SUCO: variants seen among roughly 807,000 people sequenced by gnomAD.
SUCO encodes the protein SUN domain-containing ossification factor.
In SUCO, 57 loss-of-function variants were observed where a neutral mutation model predicts 148.1. The observed-to-expected ratio is 0.38, with a 90% CI of 0.31 to 0.48. SUCO has a LOEUF of 0.48. SUCO is among the 20% of genes least tolerant of loss of function. SUCO has a pLI of 0.96. For synonymous variants in SUCO, 470 were observed against 502.7 expected, an observed-to-expected ratio of 0.93 and a Z score of 0.87; for missense variants, 1,331 against 1,468.2, an observed-to-expected ratio of 0.91 and a Z score of 1.53.
chr1:172,568,312 C>CCCCCA, intron 6 of SUCO: 1 of 920,596 alleles, frequency 1.1e-6, no homozygotes, highest in Non-Finnish European at 1.3e-6. Context: ...GCTTCCCACC[C>CCCCCA]ACCCCATCCC....
At chr1:172,588,157 C>G (rs1656368761) in intron 17 of SUCO, 1 of 984,890 alleles carries the variant, frequency 1.0e-6, no homozygotes, top group Non-Finnish European at 1.2e-6. Context: ...GTAGATAATC[C>G]TATGTGTGTA....
chr1:172,536,902 CTA>C (rs1386797032), intron 1 of SUCO, among the ~76,000 whole-genome samples: 1 of 152,148 alleles, frequency 6.6e-6, no homozygotes, highest in Admixed American at 6.5e-5. Context: ...CTTATAAGGA[CTA>C]TTGTGATTAC....
Position 172,610,128 on chromosome 1 carries a change from C to G in SUCO, c.3634C>G (p.Gln1212Glu). The change falls in exon 24 of 24, where the codon CAA becomes GAA. Residue 1212 changes from glutamine to glutamate, a missense_variant. By Grantham distance (29) the Gln-to-Glu change is conservative (BLOSUM62 2). Around this residue, in one of 3 missense-constraint regions of SUCO, gnomAD observed 334 missense variants for 352.3 expected, o/e 0.95. Coordinates refer to ENST00000263688, the MANE Select transcript of SUCO (RefSeq NM_014283.5). ...LKRRRSKVQD[Q>E]GKLIKTLIQT... is the part of the protein sequence containing the mutation. Reference sequence around the variant, plus strand: ...ACGAAGACGATCTAAAGTCCAAGACCAAGGAAAATTGATAAAAACTCTAAT... The same window carrying G: ...ACGAAGACGATCTAAAGTCCAAGACGAAGGAAAATTGATAAAAACTCTAAT... 6.2e-7 allele frequency: 1 copy of G among 1,613,614 alleles called. No homozygotes were observed. Among genetic ancestry groups the G allele is most frequent in the Non-Finnish European group, 8.5e-7 (1 of 1,179,828 alleles).
intron 3 of SUCO, among the ~76,000 whole-genome samples, chr1:172,554,544 C>T (rs1408203722): frequency 1.3e-5 from 2 of 152,220 alleles, no homozygotes; most frequent in East Asian, 3.9e-4. Flanking sequence ...CGAGACCAGC[C>T]TGGCCAACAT....
rs1479984507 is a variant in SUCO at position 172,610,042 on chromosome 1, C to T, written c.3548C>T (p.Ala1183Val). 1.2e-6 allele frequency: 2 copies of T among 1,613,916 alleles called. No homozygotes were observed. The highest frequency in any genetic ancestry group is 1.1e-5 in the South Asian group (1 of 91,074). The change falls in exon 24 of 24, where the codon GCT (alanine) becomes GTT (valine). Residue 1183 changes from alanine (A) to valine (V), a missense_variant. By Grantham distance (64) the Ala-to-Val change is moderately conservative. This residue lies in a region of SUCO where 334 missense variants were observed against 352.3 expected (regional missense o/e 0.95). Transcript: ENST00000263688. ...SEESYFCGIS[A>V]CTSLCNGQSQ... is the part of the protein sequence containing the mutation. ...GAGTCCTATTTTTGTGGCATTTCAG[C>T]TTGCACAAGTCTGTGCAATGGACAG... is the stretch of plus-strand genomic sequence containing the variant.
At position 172,533,324 on chromosome 1, in the gene SUCO, G is replaced by T; in HGVS notation, c.-112G>T. 2 of 1,551,380 alleles carry T rather than the reference G, an allele frequency of 1.3e-6. No individual in the cohort carries two copies. The highest frequency in any genetic ancestry group is 1.7e-6 in the Non-Finnish European group (2 of 1,146,988). On this transcript the variant is annotated 5_prime_UTR_variant, in exon 1 of 24. Coordinates refer to ENST00000263688, the MANE Select transcript of SUCO (RefSeq NM_014283.5). ...GCTCAGCCAGCGCCATAGCCCTTAG[G>T]ACTATCGGTCACATTCTCGCGCTCC...
At chr1:172,600,277 G>C in intron 20 of SUCO, 109 bp downstream of exon 20, 1 of 749,448 alleles carries the variant, frequency 1.3e-6, no homozygotes, top group Non-Finnish European at 2.2e-6. Flanking sequence ...AAACAAAATT[G>C]TCATTTGTAG....
chr1:172,574,835 TAC>T, intron 10 of SUCO: 3 of 974,926 alleles, frequency 3.1e-6, no homozygotes, highest in East Asian at 1.1e-4. Context: ...ACTGCATATA[TAC>T]AGTTTTTGAA....
intron 17 of SUCO, among the ~76,000 whole-genome samples, chr1:172,586,826 A>G (rs1029714214): frequency 6.6e-6 from 1 of 152,298 alleles, no homozygotes; most frequent in Admixed American, 6.5e-5. Context: ...GCATAGTGAG[A>G]AAATTATATT....
At chr1:172,532,884 G>A, upstream of SUCO, 1 of 1,484,618 alleles carries the variant, frequency 6.7e-7, no homozygotes. Context: ...CGGGACCTGG[G>A]GCGGGCGGAG....
chr1:172,551,825 T>G (rs3213552), intron 2 of SUCO, 199 bp downstream of exon 2: 104,939 of 486,796 alleles, frequency 0.22, 12,607 homozygotes, highest in South Asian at 0.26. Flanking sequence ...GTTGCTTGTA[T>G]TTGGAATTTT....
chr1:172,568,882 GTTT>G, intron 6 of SUCO, 134 bp from the exon 7 acceptor site: 1 of 849,438 alleles, frequency 1.2e-6, no homozygotes, highest in Non-Finnish European at 1.7e-6. Flanking sequence ...TTCTTTTTAC[GTTT>G]TTTATTTTTT....
intron 1 of SUCO, chr1:172,544,094 A>C (rs1652695318): frequency 1.3e-6 from 1 of 749,252 alleles, no homozygotes; most frequent in Non-Finnish European, 1.6e-6. Context: ...TTTTTCAGAT[A>C]TCCAGGAAGT....
intron 1 of SUCO, among the ~76,000 whole-genome samples, chr1:172,541,058 T>G (rs1219104668): frequency 6.6e-6 from 1 of 152,042 alleles, no homozygotes; most frequent in East Asian, 1.9e-4. Flanking sequence ...GCTTTCCACA[T>G]CCACAGATTC....
chr1:172,556,133 A>G (rs1360658127), intron 4 of SUCO, 110 bp downstream of exon 4: 2 of 745,136 alleles, frequency 2.7e-6, no homozygotes, highest in African/African-American at 1.8e-5. Flanking sequence ...TTTAGGCTAT[A>G]TAGCAGACCT....
In SUCO at chr1:172,595,416, A is replaced by G. The variant is rs1041207755; in HGVS notation, c.2913+4345A>G. ...TTGGCATGTTTTTGCAGTGGCTGGT[A>G]CCAATCGTTCCTTTCCACTTTTCGT... On this transcript the variant is annotated intron_variant, in intron 19 of 23. Transcript: ENST00000263688. Among the ~76,000 whole-genome samples the G allele has an allele frequency of 3.3e-5, 5 of 152,344 alleles. No homozygotes were observed. The South Asian group carries it at 8.3e-4, about 25-fold the overall frequency.
intron 20 of SUCO, among the ~76,000 whole-genome samples, chr1:172,601,302 C>G (rs1483741873): frequency 6.6e-6 from 1 of 151,986 alleles, no homozygotes; most frequent in Non-Finnish European, 1.5e-5. Context: ...CCAGCCTCGC[C>G]AACATGATGA....
intron 1 of SUCO, among the ~76,000 whole-genome samples, chr1:172,538,915 AC>A (rs1652228337): frequency 1.3e-5 from 2 of 152,180 alleles, no homozygotes; most frequent in Admixed American, 1.3e-4. Context: ...TTTGCATAAC[AC>A]TTGAACACTG....
At chr1:172,579,911 T>C (rs913059955) in intron 15 of SUCO, among the ~76,000 whole-genome samples, 1 of 152,180 alleles carries the variant, frequency 6.6e-6, no homozygotes, top group African/African-American at 2.4e-5. Flanking sequence ...ACAAGTAGTT[T>C]TCTTTTTATT....
Sources: gnomAD v4.1 joint callset for allele counts (sites outside exome capture counted in the v4.1 genomes callset) on GRCh38, gnomAD v4.1.1 for gene constraint, gnomAD v4.1.1 regional missense constraint, MANE v1.5 for transcripts, NCBI Gene and HGNC (gene_info 2026-07-23, HGNC 2026-07-21) for gene names.